The following IPO7 variants were observed in gnomAD, a reference collection of about 807,000 sequenced individuals.
IPO7 encodes importin-7.
IPO7 carries 13 observed loss-of-function variants against 136.4 expected under a neutral mutation model. The observed-to-expected ratio is 0.10, with a 90% confidence interval of 0.06 to 0.15. The LOEUF is 0.15. IPO7 is among the 10% of genes least tolerant of loss of function. IPO7 has a pLI of 1.00. For synonymous variants in IPO7, 403 were observed against 404.4 expected (o/e 1.00, Z 0.04); for missense variants, 857 against 1,240.6 (o/e 0.69, Z 4.65).
chr11:9,441,933 T>G, intron 23 of IPO7, 148 bp from the exon 24 acceptor site: 1 of 488,282 alleles, frequency 2.0e-6, no homozygotes, highest in African/African-American at 2.0e-5. Flanking sequence ...GTTTCACAAA[T>G]ATGGTAATTT....
Position 9,404,322 on chromosome 11 carries a change from G to A in IPO7, c.166+951G>A, listed in dbSNP as rs979769518. On this transcript the variant is annotated intron_variant, in intron 2 of 24. Transcript: ENST00000379719. ...CTACTAAAAATACAAAGAATTAGCCGGGCGTGGTGGCGGGCGCCTGTAGTC... is the reference window on the plus strand; with the variant it reads ...CTACTAAAAATACAAAGAATTAGCCAGGCGTGGTGGCGGGCGCCTGTAGTC... Among the ~76,000 whole-genome samples the A allele has an allele frequency of 7.9e-5, 12 of 151,606 alleles. No individual in the cohort carries two copies. In the South Asian group the frequency reaches 2.5e-3, roughly 32 times the overall value.
At chr11:9,444,850 A>C (rs1855506748) in intron 24 of IPO7, among the ~76,000 whole-genome samples, 1 of 151,930 alleles carries the variant, frequency 6.6e-6, no homozygotes, top group South Asian at 2.1e-4. Flanking sequence ...AAAAAAAAAA[A>C]AAAAAGATTT....
Position 9,409,950 on chromosome 11 carries a change from C to A in IPO7, c.343C>A (p.His115Asn). 1 of 1,569,624 alleles carries A rather than the reference C, an allele frequency of 6.4e-7. No homozygotes were observed. ...LIRVQLTTCI[H>N]HIIKHDYPSR... Reference sequence around the variant, plus strand: ...CAGGGTACAGCTTACTACATGCATTCATCACATCATCAAACATGATTATCC... The same window carrying A: ...CAGGGTACAGCTTACTACATGCATTAATCACATCATCAAACATGATTATCC... Residue 115 changes from histidine (H) to asparagine (N), a missense_variant, in exon 4 of 25, where the codon CAT (histidine) becomes AAT (asparagine). His to Asn is a moderately conservative substitution (Grantham distance 68). This residue lies in a region of IPO7 where 287 missense variants were observed against 307.5 expected (regional missense o/e 0.93). Coordinates refer to ENST00000379719, the MANE Select transcript of IPO7 (RefSeq NM_006391.3).
At position 9,441,994 on chromosome 11, in the gene IPO7, G is replaced by A. The variant is rs533119397; in HGVS notation, c.2903-87G>A. ...TAGATCAGAATTTCAGTATTGCCTC[G>A]GGATGGAGTAGGAGGAATAGTGTAG... On this transcript the variant is annotated intron_variant, in intron 23 of 24. Transcript: ENST00000379719. The A allele has an allele frequency of 1.6e-4, 94 of 589,016 alleles. 1 individual carries two copies. Among genetic ancestry groups the A allele is most frequent in the South Asian group, 1.4e-3 (56 of 39,806 alleles). The allele number at this position is 589,016 out of a possible 1,614,324, so 36.5% of individuals were successfully genotyped here.
chr11:9,398,087 A>G (rs987090228), intron 1 of IPO7, among the ~76,000 whole-genome samples: 2 of 152,228 alleles, frequency 1.3e-5, no homozygotes, highest in African/African-American at 4.8e-5. Context: ...TAGTGTGGAT[A>G]GTAGTGTCCT....
intron 6 of IPO7, among the ~76,000 whole-genome samples, chr11:9,417,877 T>C (rs943366692): frequency 6.6e-6 from 1 of 151,434 alleles, no homozygotes; most frequent in Non-Finnish European, 1.5e-5. Flanking sequence ...CAAGCCCGTC[T>C]AATTTTTGTA....
intron 6 of IPO7, among the ~76,000 whole-genome samples, chr11:9,419,481 G>A (rs12804952): frequency 2.0e-5 from 3 of 149,660 alleles, no homozygotes; most frequent in African/African-American, 7.4e-5. Context: ...CAGGGAGGCA[G>A]AGGTTGCAGT....
At chr11:9,413,046 A>T (rs1234762427) in intron 4 of IPO7, among the ~76,000 whole-genome samples, 1 of 151,594 alleles carries the variant, frequency 6.6e-6, no homozygotes, top group Non-Finnish European at 1.5e-5. Flanking sequence ...CGCCCAGCTA[A>T]TTTTTTGCAT....
At chr11:9,422,419 T>A (rs576442092) in intron 8 of IPO7, among the ~76,000 whole-genome samples, 173 of 151,646 alleles carry the variant, frequency 1.1e-3, no homozygotes, top group East Asian at 2.9e-3. Flanking sequence ...TTTTTTTTTT[T>A]AAAAAAAGAC....
intron 2 of IPO7, among the ~76,000 whole-genome samples, chr11:9,405,549 A>G (rs536346479): frequency 7.9e-5 from 12 of 152,286 alleles, no homozygotes; most frequent in Non-Finnish European, 1.6e-4. Context: ...CAGCCTCCTG[A>G]GTAGCTGGGA....
At chr11:9,402,860 A>T (rs1279322179) in intron 1 of IPO7, 2 of 167,644 alleles carry the variant, frequency 1.2e-5, no homozygotes, top group East Asian at 3.7e-4. Context: ...TCAAAAAAAA[A>T]AAAAAAATTA....
chr11:9,393,284 G>A (rs1308046506), intron 1 of IPO7, among the ~76,000 whole-genome samples: 16 of 152,202 alleles, frequency 1.1e-4, no homozygotes, highest in Non-Finnish European at 5.9e-5. Flanking sequence ...ATAAACATCT[G>A]AAAAAGCAGA....
At chr11:9,384,942 C>A (rs560631661) in intron 1 of IPO7, 95 bp downstream of exon 1, 3 of 906,746 alleles carry the variant, frequency 3.3e-6, no homozygotes, top group African/African-American at 3.4e-5. Context: ...CGGACGACGT[C>A]GTTGAGGGTC....
chr11:9,417,210 T>C (rs997478726), intron 6 of IPO7, 62 bp downstream of exon 6: 4 of 719,082 alleles, frequency 5.6e-6, no homozygotes, highest in Middle Eastern at 3.3e-4. Flanking sequence ...TTTTGAAGAC[T>C]TTAACTGGTG....
chr11:9,406,407 T>A (rs992530538), intron 2 of IPO7, among the ~76,000 whole-genome samples: 1 of 152,134 alleles, frequency 6.6e-6, no homozygotes, highest in African/African-American at 2.4e-5. Context: ...AAATTTTTAC[T>A]AAGAAGTTAA....
intron 8 of IPO7, among the ~76,000 whole-genome samples, chr11:9,421,839 G>A (rs541817752): frequency 3.8e-3 from 579 of 151,478 alleles, no homozygotes; most frequent in African/African-American, 0.014. Flanking sequence ...AGCTGCTTGG[G>A]AGGCTGAGGC....
rs892952452 is a variant in IPO7, at chr11:9,423,047, T to C, written c.948T>C (p.Tyr316=). ...TATATCAGTACAAGGAGAAGCAATA[T>C]ATGGCTCCTCGAGTTTTACAACAGA... ...KVLYQYKEKQ[Y]MAPRVLQQTL... is the part of the protein sequence containing the mutation. Residue 316 remains tyrosine, a synonymous_variant, in exon 9 of 25, where the codon TAT becomes TAC. Coordinates refer to ENST00000379719, the MANE Select transcript of IPO7 (RefSeq NM_006391.3). 1 of 1,605,040 alleles carries C rather than the reference T, an allele frequency of 6.2e-7. No individual in the cohort carries two copies. Among genetic ancestry groups the C allele is most frequent in the Non-Finnish European group, 8.5e-7 (1 of 1,174,058 alleles).
chr11:9,414,619 C>CTTTTTTTTTTTTTTTTTTTT (rs1164303193), intron 5 of IPO7: 3 of 71,088 alleles, frequency 4.2e-5, no homozygotes, highest in Non-Finnish European at 7.8e-5. Context: ...CCTAATGAAT[C>CTTTTTTTTTTTTTTTTTTTT]TTTTTTTTTT....
chr11:9,412,509 A>G (rs1191760796), intron 4 of IPO7, among the ~76,000 whole-genome samples: 1 of 152,152 alleles, frequency 6.6e-6, no homozygotes, highest in African/African-American at 2.4e-5. Flanking sequence ...TAGTCTGCCT[A>G]TTGACTCCTT....
Sources: gnomAD v4.1 joint callset for allele counts (sites outside exome capture counted in the v4.1 genomes callset) on GRCh38, gnomAD v4.1.1 for gene constraint, gnomAD v4.1.1 regional missense constraint, MANE v1.5 for transcripts, NCBI Gene and HGNC (gene_info 2026-07-23, HGNC 2026-07-21) for gene names.